Variants in GRIK4 observed in about 807,000 individuals in gnomAD.
GRIK4 encodes the protein glutamate receptor ionotropic, kainate 4.
Under a neutral mutation model 104.9 loss-of-function variants are expected in GRIK4, and 40 were observed. The ratio of observed to expected loss-of-function variants is 0.38; its 90% CI spans 0.30 to 0.50. The LOEUF (loss-of-function observed/expected upper bound fraction) is 0.50. Ranked by LOEUF, GRIK4 falls within the 20% of genes least tolerant of loss-of-function variation. The pLI is 0.93. For missense variants in GRIK4, 1,047 were observed against 1,308.1 expected (o/e 0.80, Z 3.08); for synonymous variants, 485 against 524.9 (o/e 0.92, Z 1.04).
At chr11:120,915,667 G>C (rs141706277) in intron 13 of GRIK4, among the ~76,000 whole-genome samples, 1 of 152,248 alleles carries the variant, frequency 6.6e-6, no homozygotes, top group Non-Finnish European at 1.5e-5. Context: ...TCTGAATGGG[G>C]ATCTCATGTG....
intron 3 of GRIK4, among the ~76,000 whole-genome samples, chr11:120,798,446 G>A (rs1306534117): frequency 1.3e-5 from 2 of 152,016 alleles, no homozygotes; most frequent in African/African-American, 2.4e-5. Context: ...ACAGGTGTGA[G>A]CCACTATGCC....
chr11:120,967,331 C>T lies in GRIK4; in HGVS notation c.2395+8C>T, dbSNP rs375417387. 63 of 1,606,606 alleles carry T rather than the reference C, an allele frequency of 3.9e-5. No homozygotes were observed. Among genetic ancestry groups the T allele is most frequent in the Admixed American group, 8.5e-5 (5 of 59,076 alleles). On this transcript the variant is annotated splice_region_variant and intron_variant, in intron 19 of 20. Transcript: ENST00000527524. The surrounding 1 kb of genome is among the most constrained non-coding windows in gnomAD (Gnocchi z 4.2). ...AAGATCACAGAGCTAAAGGTAAGGACGTTCAGGGCCATCCTCCTCCTGCCC... is the reference window on the plus strand; with the variant it reads ...AAGATCACAGAGCTAAAGGTAAGGATGTTCAGGGCCATCCTCCTCCTGCCC...
chr11:120,632,019 A>C (rs77289998), intron 1 of GRIK4, among the ~76,000 whole-genome samples: 10,347 of 152,232 alleles, frequency 0.068, 411 homozygotes, highest in South Asian at 0.14. Flanking sequence ...TCTGGAAATG[A>C]ATGGCAGTAC....
intron 3 of GRIK4, among the ~76,000 whole-genome samples, chr11:120,713,072 C>CT (rs1455258234): frequency 6.6e-6 from 1 of 152,134 alleles, no homozygotes; most frequent in East Asian, 1.9e-4. Context: ...CAAGGTTGCA[C>CT]TTTTTTATAA....
chr11:120,545,094 G>A (rs1948072715), intron 1 of GRIK4, among the ~76,000 whole-genome samples: 1 of 152,100 alleles, frequency 6.6e-6, no homozygotes, highest in South Asian at 2.1e-4. Context: ...ACAAACCAGG[G>A]GACATACAGG....
intron 3 of GRIK4, among the ~76,000 whole-genome samples, chr11:120,800,106 A>G (rs1952595255): frequency 6.6e-6 from 1 of 151,562 alleles, no homozygotes. Flanking sequence ...CATCTGCCTC[A>G]GCCTCCCAAA....
chr11:120,678,105 C>T (rs753822464), intron 3 of GRIK4, among the ~76,000 whole-genome samples: 14 of 152,124 alleles, frequency 9.2e-5, no homozygotes, highest in East Asian at 3.9e-4. Flanking sequence ...GCAGAGACCC[C>T]GAGGCCTCTG....
chr11:120,938,700 A>T (rs1230071537), intron 13 of GRIK4, among the ~76,000 whole-genome samples: 2 of 152,152 alleles, frequency 1.3e-5, no homozygotes, highest in Non-Finnish European at 2.9e-5. Context: ...CACTTTTCTT[A>T]TTTCATCTTT....
intron 3 of GRIK4, among the ~76,000 whole-genome samples, chr11:120,800,603 C>T (rs1314026166): frequency 3.3e-5 from 5 of 152,204 alleles, no homozygotes; most frequent in Admixed American, 6.5e-5. Flanking sequence ...TTGATTGCCT[C>T]GGACTTGGGA....
At chr11:120,756,196 G>A (rs1173882956) in intron 3 of GRIK4, among the ~76,000 whole-genome samples, 3 of 152,294 alleles carry the variant, frequency 2.0e-5, no homozygotes, top group Non-Finnish European at 4.4e-5. Context: ...ACCACCCTTA[G>A]GAATAATAGT....
chr11:120,585,334 T>C (rs1399970754), intron 1 of GRIK4, among the ~76,000 whole-genome samples: 1 of 144,766 alleles, frequency 6.9e-6, no homozygotes, highest in East Asian at 1.9e-4. Flanking sequence ...TCTCTCTCCC[T>C]CTCTCTCTCT....
In GRIK4 at chr11:120,513,921, C is replaced by T. The variant is rs553646791; in HGVS notation, c.-159+2034C>T. Among the ~76,000 whole-genome samples, 16 of 152,314 alleles carry T rather than the reference C, an allele frequency of 1.1e-4. No homozygotes were observed. The highest frequency in any genetic ancestry group is 4.6e-4 in the Admixed American group (7 of 15,308). On this transcript the variant is annotated intron_variant, in intron 1 of 20. Transcript: ENST00000527524. This position sits in a 1 kb window ranked among gnomAD's most constrained non-coding sequence, Gnocchi z 4.5. ...CGAGAGCCTGGGTCGGCTTCGTGGT[C>T]TGATTTCCACTTTGGTTTTCCCTTA...
Position 120,902,218 on chromosome 11 carries a change from C to T in GRIK4, c.1273-3072C>T, listed in dbSNP as rs1164390703. On this transcript the variant is annotated intron_variant, in intron 12 of 20. Transcript: ENST00000527524. The surrounding 1 kb of genome is among the most constrained non-coding windows in gnomAD (Gnocchi z 4.5). ...GCAAACATGGAATTGGCTGCCGCTC[C>T]CATTCCCTGAACACCTTTTCTGTAT... Among the ~76,000 whole-genome samples, 1 of 152,108 alleles carries T rather than the reference C, an allele frequency of 6.6e-6. No individual in the cohort carries two copies. The highest frequency in any genetic ancestry group is 1.5e-5 in the Non-Finnish European group (1 of 68,034).
chr11:120,704,747 T>G (rs1312994876), intron 3 of GRIK4, among the ~76,000 whole-genome samples: 1 of 152,170 alleles, frequency 6.6e-6, no homozygotes, highest in African/African-American at 2.4e-5. Context: ...TTTTTTTTTT[T>G]TTGTAAAGGA....
intron 11 of GRIK4, 57 bp downstream of exon 11, chr11:120,875,300 A>G: frequency 9.0e-7 from 1 of 1,107,706 alleles, no homozygotes; most frequent in Non-Finnish European, 1.4e-6. Flanking sequence ...CATTTCATTG[A>G]TGCCTCGGTG....
Position 120,917,481 on chromosome 11 carries a change from T to C in GRIK4, c.1476+11988T>C, listed in dbSNP as rs564010987. ...GCAAGGGGGGCACAGGCATGTAAGA[T>C]AATAAAGTGTAGGTGTGAGTACATG... On this transcript the variant is annotated intron_variant, in intron 13 of 20. Transcript: ENST00000527524. Among the ~76,000 whole-genome samples, 551 of 152,096 alleles carry C rather than the reference T, an allele frequency of 3.6e-3. 3 individuals are homozygous for C. The highest frequency in any genetic ancestry group is 0.013 in the African/African-American group (533 of 41,494).
intron 1 of GRIK4, among the ~76,000 whole-genome samples, chr11:120,601,946 C>A (rs892672943): frequency 1.3e-5 from 2 of 152,036 alleles, no homozygotes; most frequent in African/African-American, 4.8e-5. Flanking sequence ...AAATGGGGAA[C>A]CCTAGGCTAT....
At chr11:120,622,920 G>A (rs6589820) in intron 1 of GRIK4, among the ~76,000 whole-genome samples, 108,597 of 152,114 alleles carry the variant, frequency 0.71, 39,225 homozygotes, top group African/African-American at 0.77. Context: ...CCTCCTCTCA[G>A]GATCCTTTGA....
chr11:120,794,454 C>G (rs1457920880), intron 3 of GRIK4, among the ~76,000 whole-genome samples: 6 of 151,940 alleles, frequency 3.9e-5, no homozygotes, highest in Non-Finnish European at 2.9e-5. Flanking sequence ...GCCCCACCCC[C>G]TAAGACATCA....
Sources: gnomAD v4.1 joint callset for allele counts (sites outside exome capture counted in the v4.1 genomes callset) on GRCh38, gnomAD v4.1.1 for gene constraint, Gnocchi (gnomAD v3.1) non-coding constraint, MANE v1.5 for transcripts, NCBI Gene and HGNC (gene_info 2026-07-23, HGNC 2026-07-21) for gene names.